IGFBP7: variants seen among roughly 807,000 people sequenced by gnomAD.
IGFBP7 encodes insulin-like growth factor-binding protein 7.
In IGFBP7, 31 loss-of-function variants were observed where a neutral mutation model predicts 29.4. The observed-to-expected ratio is 1.05, with a 90% CI of 0.79 to 1.42. The LOEUF (loss-of-function observed/expected upper bound fraction) is 1.42, where lower values mean the gene tolerates loss of function less well. Ranked by LOEUF, IGFBP7 falls within the 40% of genes most tolerant of loss-of-function variation. IGFBP7 has a pLI of 0.00. For synonymous variants in IGFBP7, 172 were observed against 174.9 expected, an observed-to-expected ratio of 0.98 and a Z score of 0.13; for missense variants, 393 against 395.5, an observed-to-expected ratio of 0.99 and a Z score of 0.05.
At chr4:57,051,137 G>C (rs1043847122) in intron 1 of IGFBP7, among the ~76,000 whole-genome samples, 1 of 152,160 alleles carries the variant, frequency 6.6e-6, no homozygotes, top group African/African-American at 2.4e-5. Context: ...GTACAAAACG[G>C]GAAAAGAATA....
At chr4:57,072,341 T>C (rs1030901974) in intron 1 of IGFBP7, among the ~76,000 whole-genome samples, 1 of 152,168 alleles carries the variant, frequency 6.6e-6, no homozygotes, top group Non-Finnish European at 1.5e-5. Flanking sequence ...TTCTTTTTTA[T>C]GGCTGCAGAT....
intron 1 of IGFBP7, among the ~76,000 whole-genome samples, chr4:57,064,215 G>T (rs1724865706): frequency 6.6e-6 from 1 of 152,178 alleles, no homozygotes; most frequent in African/African-American, 2.4e-5. Context: ...TTAGCTGGGT[G>T]TGAAGGCATG....
intron 1 of IGFBP7, among the ~76,000 whole-genome samples, chr4:57,043,278 C>G (rs774613982): frequency 6.6e-6 from 1 of 152,160 alleles, no homozygotes; most frequent in Non-Finnish European, 1.5e-5. Flanking sequence ...GGCTCTTATT[C>G]CATGCTTAGC....
chr4:57,089,304 T>C (rs1725578960), intron 1 of IGFBP7, among the ~76,000 whole-genome samples: 1 of 152,224 alleles, frequency 6.6e-6, no homozygotes, highest in African/African-American at 2.4e-5. Context: ...TATAACTTTT[T>C]CTGTTTTTGA....
At position 57,032,565 on chromosome 4, in the gene IGFBP7, A is replaced by G; in HGVS notation, c.703-13T>C. 1 of 1,596,198 alleles carries G rather than the reference A, an allele frequency of 6.3e-7. No individual in the cohort carries two copies. The highest frequency in any genetic ancestry group is 8.6e-7 in the Non-Finnish European group (1 of 1,163,556). ...TTAGAGGAGATACCTGTGAAAGAAA[A>G]AAGATCTAGTATTCCTCTGTGGTGG... On this transcript the variant is annotated splice_polypyrimidine_tract_variant and intron_variant, in intron 3 of 4. Coordinates refer to ENST00000295666, the MANE Select transcript of IGFBP7 (RefSeq NM_001553.3).
intron 1 of IGFBP7, among the ~76,000 whole-genome samples, chr4:57,104,929 G>A (rs1157109034): frequency 6.6e-6 from 1 of 152,220 alleles, no homozygotes; most frequent in Admixed American, 6.5e-5. Flanking sequence ...ACAGGAAGGT[G>A]CTTTCTTAAG....
chr4:57,110,336 G>A lies in IGFBP7; in HGVS notation c.16C>T (p.Leu6=). Reference sequence around the variant, plus strand: ...GCGGCGCCGAGGAGCAGGGCGCGCAGCGACGGCCGCTCCATGGCGGGGTGC... The same window carrying A: ...GCGGCGCCGAGGAGCAGGGCGCGCAACGACGGCCGCTCCATGGCGGGGTGC... The part of the protein sequence containing the change: MERPS[L]RALLLGAAGL... The change falls in exon 1 of 5, where the codon CTG becomes TTG. Residue 6 remains leucine (L), a synonymous_variant. Transcript: ENST00000295666. The A allele has an allele frequency of 7.2e-7, 1 of 1,386,488 alleles. No individual in the cohort carries two copies. Among genetic ancestry groups the A allele is most frequent in the Non-Finnish European group, 9.4e-7 (1 of 1,068,048 alleles). 85.9% of individuals were successfully genotyped at this position (1,386,488 alleles called of 1,614,324 possible). A position where few individuals can be genotyped will look rare whatever the true frequency, so the allele number is the denominator to read the frequency against.
chr4:57,106,650 T>A (rs921478331), intron 1 of IGFBP7, among the ~76,000 whole-genome samples: 4 of 152,202 alleles, frequency 2.6e-5, no homozygotes, highest in Non-Finnish European at 4.4e-5. Flanking sequence ...ACATTCTGAT[T>A]CCAGAAGTGA....
At chr4:57,066,843 A>G (rs1238524057) in intron 1 of IGFBP7, among the ~76,000 whole-genome samples, 1 of 152,086 alleles carries the variant, frequency 6.6e-6, no homozygotes, top group Non-Finnish European at 1.5e-5. Context: ...GATTACAGAC[A>G]TGAGCCACCA....
intron 1 of IGFBP7, among the ~76,000 whole-genome samples, chr4:57,107,037 A>C (rs1483751313): frequency 6.6e-6 from 1 of 152,194 alleles, no homozygotes; most frequent in Non-Finnish European, 1.5e-5. Context: ...AAACAAGCAG[A>C]CCAAGATCTC....
intron 1 of IGFBP7, among the ~76,000 whole-genome samples, chr4:57,086,350 G>T (rs989496897): frequency 1.3e-5 from 2 of 152,164 alleles, no homozygotes; most frequent in African/African-American, 4.8e-5. Context: ...CATATCAGGA[G>T]CCCCGGCTGG....
chr4:57,101,257 G>A lies in IGFBP7; in HGVS notation c.475+8620C>T, dbSNP rs776713189. Among the ~76,000 whole-genome samples the A allele has an allele frequency of 8.5e-5, 13 of 152,330 alleles. No homozygotes were observed. In the South Asian group the frequency reaches 1.0e-3, roughly 12 times the overall value. ...GCCAAGCCTGCTTTGAACCTGTCGGGTTGGCCTTGGCCTTGTCAGTGCTCT... is the reference window on the plus strand; with the variant it reads ...GCCAAGCCTGCTTTGAACCTGTCGGATTGGCCTTGGCCTTGTCAGTGCTCT... On this transcript the variant is annotated intron_variant, in intron 1 of 4. Transcript: ENST00000295666.
intron 1 of IGFBP7, among the ~76,000 whole-genome samples, chr4:57,068,593 T>C (rs1252387376): frequency 6.6e-6 from 1 of 152,092 alleles, no homozygotes; most frequent in Non-Finnish European, 1.5e-5. Context: ...AACATACAAA[T>C]GGCAGGATTT....
intron 2 of IGFBP7, among the ~76,000 whole-genome samples, chr4:57,038,934 C>T (rs1281374167): frequency 5.3e-5 from 8 of 151,888 alleles, no homozygotes; most frequent in Admixed American, 3.9e-4. Flanking sequence ...GGCGTGGTGG[C>T]GGGTGCCTGT....
At chr4:57,069,202 C>T (rs1244496747) in intron 1 of IGFBP7, among the ~76,000 whole-genome samples, 1 of 152,106 alleles carries the variant, frequency 6.6e-6, no homozygotes, top group Non-Finnish European at 1.5e-5. Context: ...CTTGAGTTGT[C>T]CAGTAAAGAA....
intron 1 of IGFBP7, among the ~76,000 whole-genome samples, chr4:57,042,274 A>G (rs1263832462): frequency 6.6e-6 from 1 of 152,240 alleles, no homozygotes; most frequent in Non-Finnish European, 1.5e-5. Context: ...CCTGTGGGCC[A>G]AATCTGGCCT....
intron 1 of IGFBP7, chr4:57,072,930 T>G: frequency 1.3e-6 from 1 of 753,870 alleles, no homozygotes; most frequent in Non-Finnish European, 2.4e-6. Flanking sequence ...CAGGGTAATA[T>G]CTGCCTGGAC....
chr4:57,054,429 T>C (rs1269679218), intron 1 of IGFBP7, among the ~76,000 whole-genome samples: 2 of 151,868 alleles, frequency 1.3e-5, no homozygotes, highest in Non-Finnish European at 2.9e-5. Context: ...GGTCAGGAGA[T>C]CGAGACCATC....
rs59173874 is a variant in IGFBP7, at chr4:57,103,660, C to CTTTTTTTTTTTTTTTTTTTTTTTT, written c.475+6216_475+6217insAAAAAAAAAAAAAAAAAAAAAAAA. On this transcript the variant is annotated intron_variant, in intron 1 of 4. Coordinates refer to ENST00000295666, the MANE Select transcript of IGFBP7 (RefSeq NM_001553.3). The stretch of plus-strand genomic sequence containing the variant: ...AACTTTTCTTTTTTTTTTTTCTTTT[C>CTTTTTTTTTTTTTTTTTTTTTTTT]TTTTTTTTTTTTTTTTGAGGCAGGG... Among the ~76,000 whole-genome samples, 45 of 86,478 alleles carry CTTTTTTTTTTTTTTTTTTTTTTTT rather than the reference C, an allele frequency of 5.2e-4. 2 individuals are homozygous for CTTTTTTTTTTTTTTTTTTTTTTTT. The highest frequency in any genetic ancestry group is 6.6e-4 in the Non-Finnish European group (32 of 48,508). 56.7% of individuals were successfully genotyped at this position (86,478 alleles called of 152,430 possible).
Sources: allele counts gnomAD v4.1 joint callset (sites outside exome capture counted in the v4.1 genomes callset), GRCh38; gene constraint gnomAD v4.1.1; transcripts MANE v1.5; gene names NCBI Gene and HGNC (gene_info 2026-07-23, HGNC 2026-07-21).